The following SEMA4D variants were observed in gnomAD, a reference collection of about 807,000 sequenced individuals.
SEMA4D encodes the protein semaphorin 4D, also known as semaphorin-4D.
SEMA4D carries 22 observed loss-of-function variants against 74.8 expected under a neutral mutation model. The observed-to-expected ratio is 0.29, with a 90% CI of 0.21 to 0.42. The LOEUF is 0.42. Among genes scored for constraint, SEMA4D ranks in the 10% least tolerant of loss-of-function variants. The pLI, the probability that SEMA4D is intolerant of heterozygous loss-of-function variation, is 1.00. For synonymous variants in SEMA4D, 445 were observed against 463.7 expected, an observed-to-expected ratio of 0.96 and a Z score of 0.52; for missense variants, 937 against 1,118.4, an observed-to-expected ratio of 0.84 and a Z score of 2.31.
At chr9:89,480,176 C>T (rs1448091470) in intron 1 of SEMA4D, among the ~76,000 whole-genome samples, 2 of 149,750 alleles carry the variant, frequency 1.3e-5, no homozygotes, top group Non-Finnish European at 3.0e-5. Flanking sequence ...TTTACAATCC[C>T]TGAGCTAGAT....
Position 89,378,951 on chromosome 9 carries a change from T to C in SEMA4D, c.2342A>G (p.Asp781Gly), listed in dbSNP as rs1318480521. Residue 781 changes from aspartate (D) to glycine (G), a missense_variant, in exon 16 of 16, where the codon GAT becomes GGT. Asp to Gly is a moderately conservative substitution (Grantham distance 94). Coordinates refer to ENST00000422704, the MANE Select transcript of SEMA4D (RefSeq NM_001371194.2). ...CAGGCTCTGCTCACGGTCACAGAAATCTGACTTGGGCTTCTTCTTCCCAAT... is the reference window on the plus strand; with the variant it reads ...CAGGCTCTGCTCACGGTCACAGAAACCTGACTTGGGCTTCTTCTTCCCAAT... The part of the protein sequence containing the change: ...LLIGKKKPKS[D>G]FCDREQSLKE... 9 of 1,614,150 alleles carry C rather than the reference T, an allele frequency of 5.6e-6. No homozygotes were observed. Among genetic ancestry groups the C allele is most frequent in the Non-Finnish European group, 8.5e-7 (1 of 1,180,010 alleles).
At chr9:89,445,013 C>A (rs376570322) in intron 2 of SEMA4D, among the ~76,000 whole-genome samples, 1 of 152,120 alleles carries the variant, frequency 6.6e-6, no homozygotes, top group Non-Finnish European at 1.5e-5. Flanking sequence ...CACAGAATAT[C>A]CAACAAGGAT....
intron 2 of SEMA4D, among the ~76,000 whole-genome samples, chr9:89,415,878 C>T (rs948246347): frequency 2.0e-5 from 3 of 152,190 alleles, no homozygotes; most frequent in African/African-American, 7.2e-5. Flanking sequence ...ACCATTTACA[C>T]TGGTAGCGCC....
intron 1 of SEMA4D, among the ~76,000 whole-genome samples, chr9:89,496,939 G>C (rs1470130514): frequency 1.3e-5 from 2 of 152,218 alleles, no homozygotes; most frequent in African/African-American, 4.8e-5. Context: ...CTTGGCCTTC[G>C]GGGGCCTGGC....
chr9:89,445,228 G>T (rs767641524), intron 2 of SEMA4D, among the ~76,000 whole-genome samples: 2 of 152,230 alleles, frequency 1.3e-5, no homozygotes, highest in Non-Finnish European at 2.9e-5. Flanking sequence ...ACAAGGAAGA[G>T]ACACACGCTC....
intron 1 of SEMA4D, among the ~76,000 whole-genome samples, chr9:89,471,590 A>ACGCCAGCTCAGG (rs1564912400): frequency 5.5e-5 from 7 of 126,582 alleles, no homozygotes; most frequent in Admixed American, 5.3e-4. Flanking sequence ...GCCGGCTCAG[A>ACGCCAGCTCAGG]TGCATGCCAG....
At chr9:89,380,958 A>T (rs895856849) in intron 15 of SEMA4D, 97 bp downstream of exon 15, 3 of 1,455,186 alleles carry the variant, frequency 2.1e-6, no homozygotes, top group Non-Finnish European at 2.9e-6. Flanking sequence ...AGAAAGAAAA[A>T]CAAAACACAC....
chr9:89,462,950 GGAGGGGGGAGC>G (rs2135741842), intron 1 of SEMA4D, among the ~76,000 whole-genome samples: 1 of 117,326 alleles, frequency 8.5e-6, no homozygotes, highest in East Asian at 2.0e-4. Flanking sequence ...TGGAAAGAAA[GGAGGGGGGAGC>G]GAGCGAGGGG....
At chr9:89,480,594 C>T (rs922594102) in intron 1 of SEMA4D, among the ~76,000 whole-genome samples, 1 of 152,256 alleles carries the variant, frequency 6.6e-6, no homozygotes, top group Admixed American at 6.5e-5. Flanking sequence ...GGTGAGAAAT[C>T]GAGCACAGCG....
At chr9:89,457,676 T>C (rs1355058674) in intron 1 of SEMA4D, among the ~76,000 whole-genome samples, 1 of 151,324 alleles carries the variant, frequency 6.6e-6, no homozygotes, top group African/African-American at 2.4e-5. Context: ...AGCAGTGAGC[T>C]ATGACTGTGC....
At chr9:89,459,535 G>A (rs532672166) in intron 1 of SEMA4D, among the ~76,000 whole-genome samples, 157 of 152,266 alleles carry the variant, frequency 1.0e-3, no homozygotes, top group Admixed American at 2.4e-3. Flanking sequence ...AAGGGTGTTG[G>A]GGGGGAGTCT....
At chr9:89,493,912 A>G (rs539615451) in intron 1 of SEMA4D, among the ~76,000 whole-genome samples, 1 of 152,322 alleles carries the variant, frequency 6.6e-6, no homozygotes, top group Admixed American at 6.5e-5. Context: ...TTGTTTCTGT[A>G]CTGAGTGTAA....
chr9:89,363,127 T>C (rs76341712), intron 18 of SEMA4D, among the ~76,000 whole-genome samples: 1 of 152,130 alleles, frequency 6.6e-6, no homozygotes, highest in African/African-American at 2.4e-5. Context: ...GTACAGAGAA[T>C]GGGGTGGTCG....
chr9:89,425,469 A>T (rs1477059952), intron 2 of SEMA4D, among the ~76,000 whole-genome samples: 3 of 152,224 alleles, frequency 2.0e-5, no homozygotes, highest in African/African-American at 7.2e-5. Flanking sequence ...GCTGTGAGTC[A>T]CCTGGAAGCA....
chr9:89,412,490 G>C (rs530451136), intron 2 of SEMA4D, among the ~76,000 whole-genome samples: 1 of 152,316 alleles, frequency 6.6e-6, no homozygotes, highest in Non-Finnish European at 1.5e-5. Context: ...ATGTTGAAAA[G>C]AAACCTTTTT....
chr9:89,374,726 C>G (rs115925184), downstream of SEMA4D, among the ~76,000 whole-genome samples: 1,829 of 152,310 alleles, frequency 0.012, 38 homozygotes, highest in African/African-American at 0.04. Flanking sequence ...GCCTGCCTAG[C>G]TACAGGGGGT....
intron 6 of SEMA4D, among the ~76,000 whole-genome samples, chr9:89,394,187 A>G (rs1223294074): frequency 6.6e-6 from 1 of 152,170 alleles, no homozygotes; most frequent in Non-Finnish European, 1.5e-5. Context: ...ACTGTACTAA[A>G]ACAGAGCAGG....
intron 2 of SEMA4D, among the ~76,000 whole-genome samples, chr9:89,442,779 G>A (rs1264501874): frequency 6.6e-6 from 1 of 152,106 alleles, no homozygotes; most frequent in East Asian, 1.9e-4. Context: ...TGTCTGGCAT[G>A]GCTGCAGCCC....
chr9:89,385,089 C>T (rs768991254), intron 13 of SEMA4D: 6 of 972,934 alleles, frequency 6.2e-6, no homozygotes, highest in Non-Finnish European at 7.3e-6. Flanking sequence ...GTGTGGCCAG[C>T]TGCCCTGGTG....
Sources: gnomAD v4.1 joint callset for allele counts (sites outside exome capture counted in the v4.1 genomes callset) on GRCh38, gnomAD v4.1.1 for gene constraint, MANE v1.5 for transcripts, NCBI Gene and HGNC (gene_info 2026-07-23, HGNC 2026-07-21) for gene names.